HPS5: variants seen among roughly 807,000 people sequenced by gnomAD.
The protein encoded by HPS5 is BLOC-2 complex member HPS5.
In HPS5, 83 loss-of-function variants were observed where a neutral mutation model predicts 128.0. The observed-to-expected ratio is 0.65, with a 90% CI of 0.54 to 0.78. The LOEUF is 0.78. HPS5 is among the 30% of genes least tolerant of loss of function. HPS5 has a pLI of 0.00. For missense variants in HPS5, 1,281 were observed against 1,326.2 expected, an observed-to-expected ratio of 0.97 and a Z score of 0.53; for synonymous variants, 475 against 470.2, an observed-to-expected ratio of 1.01 and a Z score of -0.13.
intron 2 of HPS5, among the ~76,000 whole-genome samples, chr11:18,314,686 C>G (rs1863411944): frequency 6.6e-6 from 1 of 151,972 alleles, no homozygotes; most frequent in African/African-American, 2.4e-5. Context: ...TCGCCTTTGT[C>G]TGTTTTGTTT....
rs1031790365 is a variant in HPS5, at chr11:18,311,519, T to A, written c.220-68A>T. Reference sequence around the variant, plus strand: ...ACATTATTATTATTATTATTTTTTTTTTTTTTTTTGAGACTGAGTCTCGCT... The same window carrying A: ...ACATTATTATTATTATTATTTTTTTATTTTTTTTTGAGACTGAGTCTCGCT... On this transcript the variant is annotated intron_variant, in intron 3 of 22. Transcript: ENST00000349215. 2.4e-5 allele frequency: 22 copies of A among 935,014 alleles called. No individual in the cohort carries two copies. The African/African-American group carries it at 3.1e-4, about 13-fold the overall frequency. 57.9% of individuals were successfully genotyped at this position (935,014 alleles called of 1,614,324 possible). A position where few individuals can be genotyped will look rare whatever the true frequency, so the allele number is the denominator to read the frequency against.
chr11:18,283,450 T>C (rs183750946), intron 21 of HPS5, among the ~76,000 whole-genome samples: 1 of 151,980 alleles, frequency 6.6e-6, no homozygotes, highest in Admixed American at 6.6e-5. Context: ...GTCCCTTCTG[T>C]ACCTCAGTTA....
intron 5 of HPS5, 88 bp downstream of exon 5, chr11:18,310,653 T>C: frequency 1.8e-6 from 2 of 1,084,748 alleles, no homozygotes; most frequent in Non-Finnish European, 2.7e-6. Flanking sequence ...AGAAATACAG[T>C]AGATAAAATC....
At chr11:18,307,219 TA>T (rs1862477959) in intron 6 of HPS5, among the ~76,000 whole-genome samples, 1 of 152,210 alleles carries the variant, frequency 6.6e-6, no homozygotes, top group South Asian at 2.1e-4. Flanking sequence ...CTCAATACAT[TA>T]TAGAGTTCCA....
chr11:18,281,180 C>T (rs1424681050), intron 22 of HPS5, among the ~76,000 whole-genome samples: 1 of 150,602 alleles, frequency 6.6e-6, no homozygotes, highest in Non-Finnish European at 1.5e-5. Flanking sequence ...TGAGTTCAAG[C>T]GATTCTCCTG....
At chr11:18,311,494 A>ACAT (rs1281618985) in intron 3 of HPS5, 43 bp from the exon 4 acceptor site, 5 of 1,032,270 alleles carry the variant, frequency 4.8e-6, no homozygotes, top group East Asian at 2.9e-5. Context: ...CTCAAGTTTT[A>ACAT]CATTATTATT....
rs980000100 is a variant in HPS5, at chr11:18,282,098, T to C, written c.3181A>G (p.Asn1061Asp). 6.2e-7 allele frequency: 1 copy of C among 1,614,166 alleles called. No individual in the cohort carries two copies. Among genetic ancestry groups the C allele is most frequent in the Non-Finnish European group, 8.5e-7 (1 of 1,180,016 alleles). ...GSLSDGPSPI[N>D]VENVALLLAK... Reference sequence around the variant, plus strand: ...AACAGAAGTGCCACATTCTCCACATTGATGGGGGAAGGCCCATCACTGAGG... The same window carrying C: ...AACAGAAGTGCCACATTCTCCACATCGATGGGGGAAGGCCCATCACTGAGG... The change falls in exon 22 of 23, where the codon AAT becomes GAT. Residue 1061 changes from asparagine to aspartate, a missense_variant. By Grantham distance (23) the Asn-to-Asp change is conservative. Transcript: ENST00000349215.
intron 10 of HPS5, among the ~76,000 whole-genome samples, chr11:18,298,562 T>G (rs1028124946): frequency 1.3e-5 from 2 of 152,158 alleles, no homozygotes; most frequent in African/African-American, 2.4e-5. Context: ...AAACAAGTTC[T>G]GAAACAAATT....
At chr11:18,296,685 T>C in intron 12 of HPS5, 113 bp downstream of exon 12, 1 of 975,670 alleles carries the variant, frequency 1.0e-6, no homozygotes. Flanking sequence ...TATCAACATG[T>C]TAAAAATTAT....
intron 7 of HPS5, 142 bp downstream of exon 7, chr11:18,305,993 A>G (rs1038584630): frequency 4.5e-5 from 32 of 711,078 alleles, no homozygotes; most frequent in Non-Finnish European, 7.3e-5. Context: ...CAGCCTCCCA[A>G]AGTGCTGGGA....
intron 14 of HPS5, 40 bp downstream of exon 14, chr11:18,294,980 A>C: frequency 1.2e-6 from 2 of 1,611,492 alleles, no homozygotes; most frequent in Middle Eastern, 1.7e-4. Flanking sequence ...TGACAGCTGG[A>C]TTCCCTAGAA....
At chr11:18,308,658 T>C (rs1348333454) in intron 6 of HPS5, among the ~76,000 whole-genome samples, 1 of 151,642 alleles carries the variant, frequency 6.6e-6, no homozygotes, top group Non-Finnish European at 1.5e-5. Flanking sequence ...CTAAACAAAA[T>C]ACAAAAAATT....
intron 19 of HPS5, among the ~76,000 whole-genome samples, chr11:18,286,087 G>C (rs922923818): frequency 6.6e-6 from 1 of 152,148 alleles, no homozygotes; most frequent in African/African-American, 2.4e-5. Flanking sequence ...GATTCTTATA[G>C]GGTGACCCCA....
intron 6 of HPS5, among the ~76,000 whole-genome samples, chr11:18,307,127 A>C (rs77013475): frequency 4.6e-5 from 7 of 152,244 alleles, no homozygotes; most frequent in Non-Finnish European, 8.8e-5. Flanking sequence ...GCAGATCATG[A>C]CTTTTCAAGG....
At chr11:18,296,758 T>C in intron 12 of HPS5, 40 bp downstream of exon 12, 2 of 1,573,334 alleles carry the variant, frequency 1.3e-6, no homozygotes, top group African/African-American at 1.3e-5. Flanking sequence ...TGGAAAATAA[T>C]GGCTTCACAT....
chr11:18,303,276 T>A (rs1227339251), intron 8 of HPS5, among the ~76,000 whole-genome samples: 1 of 152,008 alleles, frequency 6.6e-6, no homozygotes, highest in Non-Finnish European at 1.5e-5. Context: ...GCACTGCCCA[T>A]GAAAAGGAGT....
At position 18,317,800 on chromosome 11, in the gene HPS5, G is replaced by C. The variant is rs757648920; in HGVS notation, c.59C>G (p.Ser20Cys). ...CAGGGCTGAGAGTAATGGATCCAGAGATTCAAACTCTGCAAGAACATGGCT... is the reference window on the plus strand; with the variant it reads ...CAGGGCTGAGAGTAATGGATCCAGACATTCAAACTCTGCAAGAACATGGCT... Reference protein sequence around the residue: ...SYSHVLAEFESLDPLLSALRL... With the variant: ...SYSHVLAEFECLDPLLSALRL... Residue 20 changes from serine to cysteine, a missense_variant, in exon 2 of 23, where the codon TCT becomes TGT. Transcript: ENST00000349215. 2 of 1,613,862 alleles carry C rather than the reference G, an allele frequency of 1.2e-6. No homozygotes were observed. Among genetic ancestry groups the C allele is most frequent in the Non-Finnish European group, 1.7e-6 (2 of 1,179,866 alleles).
chr11:18,306,290 GAA>G lies in HPS5; in HGVS notation c.667_668del (p.Phe223LeufsTer21). The part of the protein sequence containing the change: ...KERDGEYGAC[F>X]FPGRCSGGQQ... ...GGCCCCCAGAACATCTTCCAGGAAA[GAA>G]ACAAGCTCCATATTCTCCATCTCTT... On this transcript the variant is annotated frameshift_variant, in exon 7 of 23. Coordinates refer to ENST00000349215, the MANE Select transcript of HPS5 (RefSeq NM_181507.2). LOFTEE classifies it high-confidence loss of function. 6.2e-7 allele frequency: 1 copy of G among 1,614,066 alleles called. No homozygotes were observed. The highest frequency in any genetic ancestry group is 8.5e-7 in the Non-Finnish European group (1 of 1,179,980).
intron 1 of HPS5, among the ~76,000 whole-genome samples, chr11:18,321,435 T>C (rs1349488932): frequency 1.3e-5 from 2 of 152,308 alleles, no homozygotes; most frequent in Admixed American, 6.5e-5. Flanking sequence ...TACCAAAAAC[T>C]AAGAACATAG....
Sources: allele counts gnomAD v4.1 joint callset (sites outside exome capture counted in the v4.1 genomes callset), GRCh38; gene constraint gnomAD v4.1.1; transcripts MANE v1.5; gene names NCBI Gene and HGNC (gene_info 2026-07-23, HGNC 2026-07-21).